Variants in PARP14 observed in about 807,000 individuals in gnomAD.
PARP14 encodes the protein protein mono-ADP-ribosyltransferase PARP14.
In PARP14, 59 loss-of-function variants were observed where a neutral mutation model predicts 154.2. The observed-to-expected ratio is 0.38, with a 90% confidence interval of 0.31 to 0.48. The LOEUF (loss-of-function observed/expected upper bound fraction) is 0.48. Among genes scored for constraint, PARP14 ranks in the 20% least tolerant of loss-of-function variants. PARP14 has a pLI of 0.98. For missense variants in PARP14, 1,734 were observed against 2,131.6 expected, an observed-to-expected ratio of 0.81 and a Z score of 3.67; for synonymous variants, 720 against 780.5, an observed-to-expected ratio of 0.92 and a Z score of 1.29.
chr3:122,723,291 C>T (rs1240668955), intron 15 of PARP14, among the ~76,000 whole-genome samples: 1 of 152,126 alleles, frequency 6.6e-6, no homozygotes, highest in Non-Finnish European at 1.5e-5. Context: ...CTTATAACTC[C>T]CCCTCCCCAA....
At chr3:122,688,947 T>TA (rs1938458881) in intron 3 of PARP14, among the ~76,000 whole-genome samples, 1 of 152,142 alleles carries the variant, frequency 6.6e-6, no homozygotes, top group Non-Finnish European at 1.5e-5. Context: ...AGCACTGAGC[T>TA]AATGTCCTGT....
chr3:122,706,440 A>G (rs975818268), intron 8 of PARP14, among the ~76,000 whole-genome samples: 2 of 152,198 alleles, frequency 1.3e-5, no homozygotes, highest in East Asian at 1.9e-4. Flanking sequence ...TTAAAAAAAA[A>G]TTTCAATCAG....
rs1277781640 is a variant in PARP14 at position 122,681,924 on chromosome 3, A to C, written c.187+854A>C. On this transcript the variant is annotated intron_variant, in intron 1 of 16. Coordinates refer to ENST00000474629, the MANE Select transcript of PARP14 (RefSeq NM_017554.3). This position sits in a 1 kb window ranked among gnomAD's most constrained non-coding sequence, Gnocchi z 5.5. ...ACTGGCATCTTATGGATGATGACCT[A>C]TCGGGATCTAGTCAACCCCTAATTC... 6.6e-6 allele frequency among the ~76,000 whole-genome samples: 1 copy of C among 152,174 alleles called. No homozygotes were observed. The highest frequency in any genetic ancestry group is 1.5e-5 in the Non-Finnish European group (1 of 68,022).
chr3:122,692,921 A>G (rs1938586885), intron 4 of PARP14, among the ~76,000 whole-genome samples: 1 of 152,200 alleles, frequency 6.6e-6, no homozygotes, highest in South Asian at 2.1e-4. Flanking sequence ...AAATATTTGT[A>G]TTACCAAACT....
intron 3 of PARP14, 50 bp from the exon 4 acceptor site, chr3:122,692,251 A>G: frequency 6.5e-7 from 1 of 1,540,942 alleles, no homozygotes; most frequent in Non-Finnish European, 8.9e-7. Context: ...TGCTAAGACC[A>G]TGGTAGATAA....
intron 9 of PARP14, among the ~76,000 whole-genome samples, chr3:122,712,165 C>T (rs773523982): frequency 7.2e-5 from 11 of 151,966 alleles, no homozygotes; most frequent in Non-Finnish European, 1.6e-4. Context: ...AATGTGTTTA[C>T]TTTGACCTCA....
intron 9 of PARP14, among the ~76,000 whole-genome samples, chr3:122,711,875 G>C (rs985987720): frequency 3.3e-5 from 5 of 152,106 alleles, no homozygotes; most frequent in Admixed American, 6.5e-5. Context: ...GCATGTAAAG[G>C]TGTTCATAGC....
At position 122,714,276 on chromosome 3, in the gene PARP14, A is replaced by G. The variant is rs767976959; in HGVS notation, c.3847A>G (p.Asn1283Asp). The G allele has an allele frequency of 6.3e-7, 1 of 1,597,316 alleles. No individual in the cohort carries two copies. Among genetic ancestry groups the G allele is most frequent in the South Asian group, 1.2e-5 (1 of 86,810 alleles). Reference sequence around the variant, plus strand: ...GTGTTTCCCAGCTCAGCAGCGCAAAAATGATTATATAATCACCGGAGGTGG... The same window carrying G: ...GTGTTTCCCAGCTCAGCAGCGCAAAGATGATTATATAATCACCGGAGGTGG... ...ECSQQAQQRK[N>D]DYIITGGGFL... is the part of the protein sequence containing the mutation. The change falls in exon 12 of 17, where the codon AAT becomes GAT. Residue 1283 changes from asparagine to aspartate, a missense_variant. Asn to Asp is a conservative substitution (Grantham distance 23). Coordinates refer to ENST00000474629, the MANE Select transcript of PARP14 (RefSeq NM_017554.3).
chr3:122,689,292 C>T (rs1230748827), intron 3 of PARP14, among the ~76,000 whole-genome samples: 3 of 152,194 alleles, frequency 2.0e-5, no homozygotes, highest in Non-Finnish European at 4.4e-5. Flanking sequence ...TCACTCCTTT[C>T]ACATCTGCTG....
Position 122,714,412 on chromosome 3 carries a change from T to A in PARP14, c.3983T>A (p.Leu1328His), listed in dbSNP as rs752520395. ...CEKKNYSSIC[L>H]PAIGTGNAKQ... ...AAAAAAAATTACTCATCCATTTGCC[T>A]CCCAGCCATTGGGACAGGTTCGTAG... Residue 1328 changes from leucine to histidine, a missense_variant, in exon 12 of 17, where the codon CTC becomes CAC. By Grantham distance (99) the Leu-to-His change is moderately conservative (BLOSUM62 -3). This residue lies in a region of PARP14 where 1,646 missense variants were observed against 1,976.0 expected (regional missense o/e 0.83). Coordinates refer to ENST00000474629, the MANE Select transcript of PARP14 (RefSeq NM_017554.3). 3 of 1,578,258 alleles carry A rather than the reference T, an allele frequency of 1.9e-6. No homozygotes were observed. The highest frequency in any genetic ancestry group is 2.6e-6 in the Non-Finnish European group (3 of 1,168,404).
chr3:122,713,393 C>T (rs756865960), intron 9 of PARP14, 31 bp from the exon 10 acceptor site: 28 of 1,588,042 alleles, frequency 1.8e-5, no homozygotes, highest in Middle Eastern at 1.7e-4. Context: ...GTGGCTGACT[C>T]GGTTATTGAC....
intron 1 of PARP14, among the ~76,000 whole-genome samples, chr3:122,683,806 G>C (rs1196519265): frequency 6.6e-6 from 1 of 152,180 alleles, no homozygotes; most frequent in Non-Finnish European, 1.5e-5. Context: ...GGCACATTTA[G>C]ATGCCTAGAC....
chr3:122,705,694 T>C (rs773200653), intron 8 of PARP14, among the ~76,000 whole-genome samples: 20 of 152,208 alleles, frequency 1.3e-4, no homozygotes, highest in Non-Finnish European at 2.6e-4. Context: ...CAGATTAAGA[T>C]CAGCAACCCA....
At chr3:122,724,456 G>A (rs867983907) in intron 15 of PARP14, among the ~76,000 whole-genome samples, 16 of 145,444 alleles carry the variant, frequency 1.1e-4, no homozygotes, top group African/African-American at 3.8e-4. Flanking sequence ...ATGCCACCAC[G>A]CCTATTTTTT....
Position 122,680,867 on chromosome 3 carries a change from G to A in PARP14, c.-17G>A. 1 of 1,586,728 alleles carries A rather than the reference G, an allele frequency of 6.3e-7. No individual in the cohort carries two copies. Among genetic ancestry groups the A allele is most frequent in the Non-Finnish European group, 8.6e-7 (1 of 1,166,292 alleles). ...GTTGGCGCGGCCCCTGCAGTCCGGC[G>A]GAGAGCGGAGCTGAGGATGGCTGTG... is the stretch of plus-strand genomic sequence containing the variant. On this transcript the variant is annotated 5_prime_UTR_variant, in exon 1 of 17. Transcript: ENST00000474629.
rs1933082935 is a variant in PARP14, at chr3:122,719,097, G to A, written c.4807+139G>A. On this transcript the variant is annotated intron_variant, in intron 14 of 16. Coordinates refer to ENST00000474629, the MANE Select transcript of PARP14 (RefSeq NM_017554.3). Reference sequence around the variant, plus strand: ...AAATAAACTAGAAAATGTGGCCTCTGCGCTTAAAGAGCTTACGTTATGGCC... The same window carrying A: ...AAATAAACTAGAAAATGTGGCCTCTACGCTTAAAGAGCTTACGTTATGGCC... The A allele has an allele frequency of 5.8e-6, 5 of 856,964 alleles. No homozygotes were observed. In the Admixed American group the frequency reaches 1.0e-4, roughly 18 times the overall value. 53.1% of individuals were successfully genotyped at this position (856,964 alleles called of 1,614,324 possible). A position where few individuals can be genotyped will look rare whatever the true frequency, so the allele number is the denominator to read the frequency against.
At position 122,725,229 on chromosome 3, in the gene PARP14, G is replaced by A. The variant is rs563979980; in HGVS notation, c.4942-2583G>A. ...AAGGCGCTCACTTCCCATACGGGGC[G>A]GTTGGGCAGAGGCGCTCACTTCCTA... On this transcript the variant is annotated intron_variant, in intron 15 of 16. Transcript: ENST00000474629. 7.9e-5 allele frequency among the ~76,000 whole-genome samples: 12 copies of A among 152,196 alleles called. No homozygotes were observed. In the East Asian group the frequency reaches 1.2e-3, roughly 15 times the overall value.
intron 8 of PARP14, among the ~76,000 whole-genome samples, chr3:122,707,251 A>G (rs1371715162): frequency 6.6e-6 from 1 of 152,020 alleles, no homozygotes; most frequent in African/African-American, 2.4e-5. Flanking sequence ...CGTCTCTACT[A>G]AAAATACAAA....
At chr3:122,716,765 C>G (rs1424835451) in intron 12 of PARP14, among the ~76,000 whole-genome samples, 1 of 152,202 alleles carries the variant, frequency 6.6e-6, no homozygotes, top group African/African-American at 2.4e-5. Flanking sequence ...CTCCATACCC[C>G]TCCAGACTTA....
Sources: gnomAD v4.1 joint callset for allele counts (sites outside exome capture counted in the v4.1 genomes callset) on GRCh38, gnomAD v4.1.1 for gene constraint, gnomAD v4.1.1 regional missense constraint, Gnocchi (gnomAD v3.1) non-coding constraint, MANE v1.5 for transcripts, NCBI Gene and HGNC (gene_info 2026-07-23, HGNC 2026-07-21) for gene names.